CNTN3: variants seen among roughly 807,000 people sequenced by gnomAD.
The protein encoded by CNTN3 is contactin 3, also known as contactin-3.
A neutral mutation model predicts 119.1 loss-of-function variants in CNTN3; 60 were observed. That is an observed-to-expected ratio of 0.50 (90% CI 0.41 to 0.62). The LOEUF is 0.62. Among genes scored for constraint, CNTN3 ranks in the 20% least tolerant of loss-of-function variants. The probability of loss-of-function intolerance (pLI) is 0.00; values close to 1 mark genes in which losing one functional copy is unlikely to be tolerated. For missense variants in CNTN3, 1,101 were observed against 1,242.4 expected (o/e 0.89, Z 1.71); for synonymous variants, 450 against 438.7 (o/e 1.03, Z -0.32).
At chr3:74,371,140 G>C (rs1704327823) in intron 6 of CNTN3, 56 bp downstream of exon 6, 3 of 1,306,360 alleles carry the variant, frequency 2.3e-6, no homozygotes, top group Non-Finnish European at 3.3e-6. Context: ...AATTGCTTTT[G>C]TTTGCAGCCT....
At chr3:74,498,792 T>C (rs1575784637) in intron 3 of CNTN3, among the ~76,000 whole-genome samples, 1 of 151,902 alleles carries the variant, frequency 6.6e-6, no homozygotes, top group South Asian at 2.1e-4. Context: ...ATAGTGTGAA[T>C]GGGGTTTTCA....
chr3:74,514,925 C>T (rs994954934), intron 2 of CNTN3, among the ~76,000 whole-genome samples: 4 of 152,046 alleles, frequency 2.6e-5, no homozygotes, highest in African/African-American at 9.7e-5. Flanking sequence ...TGCCAGTTCT[C>T]AAATTAAAAT....
At chr3:74,291,842 G>A (rs1702238114) in intron 19 of CNTN3, among the ~76,000 whole-genome samples, 1 of 152,088 alleles carries the variant, frequency 6.6e-6, no homozygotes, top group Non-Finnish European at 1.5e-5. Context: ...CTAGCAGCTG[G>A]GGGCCATGTT....
intron 5 of CNTN3, among the ~76,000 whole-genome samples, chr3:74,403,376 C>T (rs1243506809): frequency 5.3e-5 from 8 of 152,128 alleles, no homozygotes; most frequent in African/African-American, 1.9e-4. Context: ...CTGAATTAAT[C>T]ATCATAGCAA....
chr3:74,400,164 T>G (rs1179911642), intron 5 of CNTN3, among the ~76,000 whole-genome samples: 1 of 152,178 alleles, frequency 6.6e-6, no homozygotes, highest in Non-Finnish European at 1.5e-5. Context: ...TAATTAAAAT[T>G]TGTCAGTAAA....
chr3:74,528,109 A>T (rs1485135208), intron 1 of CNTN3, among the ~76,000 whole-genome samples: 1 of 151,918 alleles, frequency 6.6e-6, no homozygotes, highest in East Asian at 1.9e-4. Flanking sequence ...TTTCCAAGAC[A>T]TCTTCCAAGT....
At chr3:74,474,263 T>A (rs1178003916) in intron 4 of CNTN3, among the ~76,000 whole-genome samples, 1 of 152,098 alleles carries the variant, frequency 6.6e-6, no homozygotes, top group Non-Finnish European at 1.5e-5. Context: ...AACATGGCTC[T>A]CAGTTTGGAT....
At chr3:74,481,237 A>G (rs748078070) in intron 4 of CNTN3, among the ~76,000 whole-genome samples, 60 of 152,074 alleles carry the variant, frequency 3.9e-4, no homozygotes, top group Middle Eastern at 3.4e-3. Flanking sequence ...TTTGAGCAAC[A>G]TAATTAACAA....
At chr3:74,363,435 T>A (rs1013219295) in intron 10 of CNTN3, among the ~76,000 whole-genome samples, 2 of 152,140 alleles carry the variant, frequency 1.3e-5, no homozygotes, top group Admixed American at 6.6e-5. Flanking sequence ...TACCACACAC[T>A]GGTCCTCTAC....
At chr3:74,444,471 A>G (rs1000555978) in intron 4 of CNTN3, among the ~76,000 whole-genome samples, 5 of 152,174 alleles carry the variant, frequency 3.3e-5, no homozygotes, top group Admixed American at 2.0e-4. Context: ...GCTATGGGAA[A>G]GGCTTTCCGT....
intron 2 of CNTN3, among the ~76,000 whole-genome samples, chr3:74,500,113 A>G (rs9876267): frequency 0.87 from 131,552 of 151,950 alleles, 57,610 homozygotes; most frequent in Non-Finnish European, 0.94. Context: ...CTTTCTTGTC[A>G]TAGCCTTTTT....
At chr3:74,274,148 G>A (rs552859724) in intron 20 of CNTN3, among the ~76,000 whole-genome samples, 1 of 152,068 alleles carries the variant, frequency 6.6e-6, no homozygotes, top group African/African-American at 2.4e-5. Flanking sequence ...CAGCAGCTAC[G>A]GCAAGACCTG....
intron 4 of CNTN3, among the ~76,000 whole-genome samples, chr3:74,436,191 C>A (rs1407222489): frequency 6.6e-6 from 1 of 152,218 alleles, no homozygotes; most frequent in Non-Finnish European, 1.5e-5. Flanking sequence ...TATCCTTCCC[C>A]TTTCAACTTA....
At chr3:74,471,225 A>C (rs1702556294) in intron 4 of CNTN3, among the ~76,000 whole-genome samples, 1 of 152,104 alleles carries the variant, frequency 6.6e-6, no homozygotes, top group South Asian at 2.1e-4. Flanking sequence ...AGATAACATT[A>C]GGAGAAATAC....
chr3:74,411,844 A>G (rs1575700195), intron 5 of CNTN3, among the ~76,000 whole-genome samples: 2 of 152,328 alleles, frequency 1.3e-5, no homozygotes, highest in East Asian at 3.9e-4. Flanking sequence ...AAATGGTAGT[A>G]GTAAAGACAG....
chr3:74,322,169 CAA>C (rs35201394), intron 13 of CNTN3, among the ~76,000 whole-genome samples: 2,951 of 94,128 alleles, frequency 0.031, 87 homozygotes, highest in African/African-American at 0.095. Context: ...CTGGGTGACT[CAA>C]AAAAAAAAAA....
chr3:74,540,037 A>G (rs1703820974), intron 1 of CNTN3, among the ~76,000 whole-genome samples: 1 of 152,130 alleles, frequency 6.6e-6, no homozygotes, highest in Admixed American at 6.6e-5. Context: ...TCCAGGGGAC[A>G]ATGTTTCTAA....
chr3:74,391,511 A>C (rs902215254), intron 5 of CNTN3, among the ~76,000 whole-genome samples: 1 of 151,414 alleles, frequency 6.6e-6, no homozygotes, highest in African/African-American at 2.4e-5. Flanking sequence ...ATGAAATTAA[A>C]TGCTCAATAA....
At chr3:74,504,047 G>A (rs1277875158) in intron 2 of CNTN3, among the ~76,000 whole-genome samples, 1 of 152,076 alleles carries the variant, frequency 6.6e-6, no homozygotes, top group Non-Finnish European at 1.5e-5. Flanking sequence ...CAATTTTTAT[G>A]AAGACTGACA....
Sources: allele counts gnomAD v4.1 joint callset (sites outside exome capture counted in the v4.1 genomes callset), GRCh38; gene constraint gnomAD v4.1.1; transcripts MANE v1.5; gene names NCBI Gene and HGNC (gene_info 2026-07-23, HGNC 2026-07-21).